The following TTC6 variants were observed in gnomAD, a reference collection of about 807,000 sequenced individuals.
The protein encoded by TTC6 is tetratricopeptide repeat domain 6, also known as tetratricopeptide repeat protein 6.
TTC6 carries 172 observed loss-of-function variants against 210.4 expected under a neutral mutation model. The ratio of observed to expected loss-of-function variants is 0.82; its 90% CI spans 0.72 to 0.93. The LOEUF (loss-of-function observed/expected upper bound fraction) is 0.93, where lower values mean the gene tolerates loss of function less well. TTC6 is among the 40% of genes least tolerant of loss of function. TTC6 has a pLI of 0.00. For synonymous variants in TTC6, 804 were observed against 819.6 expected (o/e 0.98, Z 0.32); for missense variants, 2,414 against 2,318.1 (o/e 1.04, Z -0.85).
intron 1 of TTC6, among the ~76,000 whole-genome samples, chr14:37,630,589 A>G (rs1456517898): frequency 2.6e-5 from 4 of 152,154 alleles, no homozygotes; most frequent in Admixed American, 6.5e-5. Flanking sequence ...GTAGATGTCT[A>G]TTGGGTTTGC....
Position 37,649,309 on chromosome 14 carries a change from GAGA to G in TTC6, c.939+26312_939+26314del, listed in dbSNP as rs541738498. Among the ~76,000 whole-genome samples, 14 of 152,246 alleles carry G rather than the reference GAGA, an allele frequency of 9.2e-5. No homozygotes were observed. The South Asian group carries it at 1.9e-3, about 20-fold the overall frequency. ...TCTTACTGCTTCCTGGATTCTCCATGAGAAGAAGTCCCAGGTCTTTTTTGTTCT... is the reference window on the plus strand; with the variant it reads ...TCTTACTGCTTCCTGGATTCTCCATGAGAAGTCCCAGGTCTTTTTTGTTCT... On this transcript the variant is annotated intron_variant, in intron 1 of 30. Transcript: ENST00000553443.
intron 14 of TTC6, among the ~76,000 whole-genome samples, chr14:37,784,631 A>C (rs774579313): frequency 6.6e-6 from 1 of 152,146 alleles, no homozygotes; most frequent in Non-Finnish European, 1.5e-5. Context: ...ATTTAAGGTT[A>C]ATATTGTTAT....
chr14:37,599,668 G>C (rs916839024), intron 1 of TTC6, among the ~76,000 whole-genome samples: 2 of 152,118 alleles, frequency 1.3e-5, no homozygotes, highest in Non-Finnish European at 2.9e-5. Context: ...CTCTGGCCAC[G>C]GGAGAGCATC....
chr14:37,787,622 G>T (rs1204379909), exon 15 of TTC6: 3 of 1,479,088 alleles, frequency 2.0e-6, no homozygotes, highest in Non-Finnish European at 2.7e-6. Flanking sequence ...AGCGCTACAG[G>T]ATTATAGTGT....
intron 1 of TTC6, among the ~76,000 whole-genome samples, chr14:37,599,874 C>G (rs936533745): frequency 1.3e-5 from 2 of 152,144 alleles, no homozygotes; most frequent in African/African-American, 4.8e-5. Context: ...CCCGCGGCCG[C>G]GCGCGTCTCC....
chr14:37,671,796 A>T (rs902395582), intron 1 of TTC6, among the ~76,000 whole-genome samples: 12 of 152,186 alleles, frequency 7.9e-5, no homozygotes, highest in Admixed American at 3.3e-4. Context: ...AAGGGAAATG[A>T]TTGGATTATG....
At position 37,706,226 on chromosome 14, in the gene TTC6, A is replaced by T. The variant is rs1160549307; in HGVS notation, c.1571+4700A>T. ...GACATGATCAGGTTTGCTTTAAGAT[A>T]TCACAGTCCTTGTCTTCTCAGTTGT... On this transcript the variant is annotated intron_variant, in intron 5 of 30. Coordinates refer to ENST00000553443, the Ensembl canonical transcript of TTC6. Among the ~76,000 whole-genome samples the T allele has an allele frequency of 2.6e-5, 4 of 152,128 alleles. No individual in the cohort carries two copies. The East Asian group carries it at 7.7e-4, about 29-fold the overall frequency.
intron 10 of TTC6, among the ~76,000 whole-genome samples, chr14:37,742,584 A>AT (rs35369139): frequency 0.078 from 11,390 of 145,776 alleles, 516 homozygotes; most frequent in Middle Eastern, 0.094. Context: ...TAATTTTTGC[A>AT]TTTTTTTTTT....
At chr14:37,823,643 T>C in intron 26 of TTC6, 104 bp from the exon 29 acceptor site, 1 of 1,011,082 alleles carries the variant, frequency 9.9e-7, no homozygotes, top group Non-Finnish European at 1.4e-6. Context: ...TTTTAATGAG[T>C]CAATTCAAAT....
intron 1 of TTC6, among the ~76,000 whole-genome samples, chr14:37,675,679 A>G (rs2138511566): frequency 6.6e-6 from 1 of 151,822 alleles, no homozygotes; most frequent in South Asian, 2.1e-4. Flanking sequence ...ACCATTTTAC[A>G]TTCCCGGTAG....
At chr14:37,697,315 T>C (rs79464207) in intron 4 of TTC6, among the ~76,000 whole-genome samples, 2,034 of 152,246 alleles carry the variant, frequency 0.013, 28 homozygotes, top group Non-Finnish European at 0.02. Flanking sequence ...ATAATTTTAA[T>C]GGAGTTTCTC....
chr14:37,691,840 G>A (rs547614555), intron 3 of TTC6, among the ~76,000 whole-genome samples: 7 of 151,988 alleles, frequency 4.6e-5, no homozygotes, highest in Non-Finnish European at 1.0e-4. Flanking sequence ...AATAAACTCA[G>A]AGATGAAAAA....
At chr14:37,729,356 G>A (rs907112601) in intron 7 of TTC6, among the ~76,000 whole-genome samples, 7 of 152,150 alleles carry the variant, frequency 4.6e-5, no homozygotes, top group African/African-American at 9.7e-5. Flanking sequence ...TATGGCATCC[G>A]TGAAAATATG....
At chr14:37,739,228 C>G in intron 10 of TTC6, 73 bp downstream of exon 12, 5 of 1,325,246 alleles carry the variant, frequency 3.8e-6, no homozygotes, top group African/African-American at 1.5e-5. Context: ...TAATCTCACC[C>G]CATGAAGTTA....
intron 17 of TTC6, among the ~76,000 whole-genome samples, chr14:37,792,913 A>G (rs2096083764): frequency 6.6e-6 from 1 of 151,788 alleles, no homozygotes; most frequent in African/African-American, 2.4e-5. Context: ...AAGTTTTATA[A>G]GTTGTTCACA....
chr14:37,782,611 C>T (rs961202779), intron 14 of TTC6, among the ~76,000 whole-genome samples: 1 of 152,004 alleles, frequency 6.6e-6, no homozygotes, highest in African/African-American at 2.4e-5. Context: ...TAATTGAATA[C>T]CCTTTATTTC....
intron 10 of TTC6, among the ~76,000 whole-genome samples, chr14:37,743,632 A>C (rs1043287254): frequency 3.3e-5 from 5 of 152,228 alleles, no homozygotes; most frequent in African/African-American, 1.2e-4. Flanking sequence ...AATTATATAC[A>C]TCAAACTAAG....
intron 2 of TTC6, among the ~76,000 whole-genome samples, chr14:37,612,379 C>T (rs970355041): frequency 6.6e-6 from 1 of 152,154 alleles, no homozygotes; most frequent in Non-Finnish European, 1.5e-5. Flanking sequence ...TTGCCATGAC[C>T]TTTGCCTTGA....
At chr14:37,755,051 A>G (rs190842370) in intron 14 of TTC6, among the ~76,000 whole-genome samples, 1 of 152,258 alleles carries the variant, frequency 6.6e-6, no homozygotes, top group East Asian at 1.9e-4. Context: ...CTACTTCTCC[A>G]CACCCTTTCC....
Sources: allele counts gnomAD v4.1 joint callset (sites outside exome capture counted in the v4.1 genomes callset), GRCh38; gene constraint gnomAD v4.1.1; transcripts MANE v1.5; gene names NCBI Gene and HGNC (gene_info 2026-07-23, HGNC 2026-07-21).